DLG2: variants seen among roughly 807,000 people sequenced by gnomAD.
DLG2 encodes disks large homolog 2.
A neutral mutation model predicts 132.5 loss-of-function variants in DLG2; 45 were observed. That is an observed-to-expected ratio of 0.34 (90% CI 0.27 to 0.44). The LOEUF (loss-of-function observed/expected upper bound fraction) is 0.44, where lower values mean the gene tolerates loss of function less well. Among genes scored for constraint, DLG2 ranks in the 20% least tolerant of loss-of-function variants. The pLI, the probability that DLG2 is intolerant of heterozygous loss-of-function variation, is 1.00. For synonymous variants in DLG2, 424 were observed against 419.6 expected, an observed-to-expected ratio of 1.01 and a Z score of -0.13; for missense variants, 1,045 against 1,196.9, an observed-to-expected ratio of 0.87 and a Z score of 1.87.
chr11:84,735,454 G>C (rs1275825447), intron 6 of DLG2, among the ~76,000 whole-genome samples: 1 of 152,080 alleles, frequency 6.6e-6, no homozygotes, highest in South Asian at 2.1e-4. Context: ...TCTGATGGTA[G>C]TTTGTATTTC....
chr11:84,485,512 T>C (rs2099148455), intron 7 of DLG2, among the ~76,000 whole-genome samples: 1 of 152,166 alleles, frequency 6.6e-6, no homozygotes, highest in Admixed American at 6.6e-5. Context: ...GTAGTCAATA[T>C]GTATGGCTCT....
rs116031797 is a variant in DLG2, at chr11:84,697,818, A to G, written c.358-163087T>C. 7.2e-3 allele frequency among the ~76,000 whole-genome samples: 1,098 copies of G among 151,624 alleles called. 14 individuals carry two copies. Among genetic ancestry groups the G allele is most frequent in the African/African-American group, 0.024 (999 of 41,482 alleles). ...TTCTTTTCAAAGTATTTTCATGATA[A>G]TAAGTACATATTAATCATGCACACA... On this transcript the variant is annotated intron_variant, in intron 6 of 27. Coordinates refer to ENST00000376104, the MANE Select transcript of DLG2 (RefSeq NM_001142699.3).
chr11:84,500,642 C>T (rs1405124188), intron 7 of DLG2, among the ~76,000 whole-genome samples: 1 of 152,194 alleles, frequency 6.6e-6, no homozygotes, highest in East Asian at 1.9e-4. Flanking sequence ...CATTTCAGAG[C>T]TCCAGAGCAT....
chr11:84,232,757 A>G (rs1330199333), intron 8 of DLG2, among the ~76,000 whole-genome samples: 2 of 152,178 alleles, frequency 1.3e-5, no homozygotes, highest in African/African-American at 4.8e-5. Context: ...TAAGAAATAA[A>G]TTTATGTTAT....
chr11:84,321,504 C>T (rs2098404515), intron 7 of DLG2, among the ~76,000 whole-genome samples: 1 of 152,066 alleles, frequency 6.6e-6, no homozygotes, highest in South Asian at 2.1e-4. Context: ...TGGCTTTTTA[C>T]CAGTCTTGTC....
At chr11:84,708,231 T>C (rs540351590) in intron 6 of DLG2, among the ~76,000 whole-genome samples, 11 of 152,016 alleles carry the variant, frequency 7.2e-5, no homozygotes, top group Admixed American at 2.6e-4. Context: ...ATCTACCTCA[T>C]AGAGATGTTG....
At chr11:84,573,213 G>A (rs1235878291) in intron 6 of DLG2, among the ~76,000 whole-genome samples, 1 of 152,042 alleles carries the variant, frequency 6.6e-6, no homozygotes, top group African/African-American at 2.4e-5. Context: ...GATAATTTTA[G>A]TAGCTAAGTA....
At chr11:85,428,215 C>G (rs1259443254) in intron 3 of DLG2, among the ~76,000 whole-genome samples, 1 of 152,176 alleles carries the variant, frequency 6.6e-6, no homozygotes, top group Non-Finnish European at 1.5e-5. Context: ...TTAGACAGAT[C>G]AATGACACAG....
chr11:85,587,634 AT>A (rs933169795), intron 3 of DLG2, among the ~76,000 whole-genome samples: 192 of 152,154 alleles, frequency 1.3e-3, no homozygotes, highest in Admixed American at 2.1e-3. Context: ...TGGTGGGTGG[AT>A]TTTTATCCAT....
chr11:83,780,792 C>G (rs907776285), intron 18 of DLG2, among the ~76,000 whole-genome samples: 2 of 152,176 alleles, frequency 1.3e-5, no homozygotes, highest in African/African-American at 4.8e-5. Flanking sequence ...GCTAAAACCA[C>G]TGAGCCATGA....
At chr11:85,214,849 T>C (rs1416280686) in intron 4 of DLG2, among the ~76,000 whole-genome samples, 1 of 152,190 alleles carries the variant, frequency 6.6e-6, no homozygotes, top group African/African-American at 2.4e-5. Context: ...TAACTAAGAC[T>C]TTTCCATTTA....
At chr11:83,482,070 C>CTAAT (rs2093162541) in intron 22 of DLG2, among the ~76,000 whole-genome samples, 2 of 152,138 alleles carry the variant, frequency 1.3e-5, no homozygotes, top group South Asian at 4.1e-4. Context: ...ACTTCAGCCA[C>CTAAT]TAATTCAGGA....
chr11:85,601,804 A>T (rs1354680194), intron 2 of DLG2, among the ~76,000 whole-genome samples: 2 of 152,166 alleles, frequency 1.3e-5, no homozygotes, highest in African/African-American at 4.8e-5. Flanking sequence ...AATCACATTT[A>T]TTAGTTCCCT....
At chr11:84,020,756 G>A (rs934368502) in intron 11 of DLG2, among the ~76,000 whole-genome samples, 2 of 152,036 alleles carry the variant, frequency 1.3e-5, no homozygotes, top group South Asian at 2.1e-4. Context: ...TCACAATAAT[G>A]TCTTCCATTC....
intron 6 of DLG2, among the ~76,000 whole-genome samples, chr11:84,749,232 A>T (rs1264220339): frequency 1.3e-5 from 2 of 152,128 alleles, no homozygotes; most frequent in Non-Finnish European, 2.9e-5. Flanking sequence ...TCATGTCCAA[A>T]CAAACAATCT....
chr11:84,724,388 T>A (rs1667707354), intron 6 of DLG2, among the ~76,000 whole-genome samples: 1 of 152,200 alleles, frequency 6.6e-6, no homozygotes, highest in Non-Finnish European at 1.5e-5. Flanking sequence ...AATATCATGC[T>A]TGCTATGTAC....
chr11:84,393,250 T>C (rs2098799218), intron 7 of DLG2, among the ~76,000 whole-genome samples: 1 of 152,118 alleles, frequency 6.6e-6, no homozygotes, highest in African/African-American at 2.4e-5. Flanking sequence ...CAAAGATGCA[T>C]ATGGTATCAT....
At chr11:83,524,327 C>T (rs1004124661) in intron 21 of DLG2, among the ~76,000 whole-genome samples, 2 of 152,148 alleles carry the variant, frequency 1.3e-5, no homozygotes, top group East Asian at 3.9e-4. Flanking sequence ...CTGCCCCCAT[C>T]TCCAGAGATT....
intron 3 of DLG2, among the ~76,000 whole-genome samples, chr11:85,521,500 G>A (rs1315897919): frequency 6.6e-6 from 1 of 152,182 alleles, no homozygotes; most frequent in Non-Finnish European, 1.5e-5. Context: ...ACTAACTGGT[G>A]CCACAGAGAG....
Sources: allele counts gnomAD v4.1 joint callset (sites outside exome capture counted in the v4.1 genomes callset), GRCh38; gene constraint gnomAD v4.1.1; transcripts MANE v1.5; gene names NCBI Gene and HGNC (gene_info 2026-07-23, HGNC 2026-07-21).